ANK2: variants seen among roughly 807,000 people sequenced by gnomAD.
The protein encoded by ANK2 is ankyrin-2.
In ANK2, 83 loss-of-function variants were observed where a neutral mutation model predicts 360.5. The observed-to-expected ratio is 0.23, with a 90% CI of 0.19 to 0.28. The LOEUF is 0.28. Ranked by LOEUF, ANK2 falls within the 10% of genes least tolerant of loss-of-function variation. ANK2 has a pLI of 1.00. For synonymous variants in ANK2, 1,740 were observed against 1,759.5 expected, an observed-to-expected ratio of 0.99 and a Z score of 0.28; for missense variants, 4,201 against 4,795.7, an observed-to-expected ratio of 0.88 and a Z score of 3.66.
At chr4:112,728,306 AAAAAAAAAAAAAAAG>A in the ANK2 span, among the ~76,000 whole-genome samples, 1 of 150,216 alleles carries the variant, frequency 6.7e-6, no homozygotes, top group Non-Finnish European at 1.5e-5. Flanking sequence ...AAAAAAAAAA[AAAAAAAAAAAAAAAG>A]AAAAGAAATA....
chr4:113,102,526 C>G (rs1464487304), intron 1 of ANK2, among the ~76,000 whole-genome samples: 2 of 151,958 alleles, frequency 1.3e-5, no homozygotes, highest in African/African-American at 4.8e-5. Flanking sequence ...GAGGAAGCCC[C>G]AGGACAGTTC....
At chr4:113,136,849 C>T (rs556574932) in intron 1 of ANK2, among the ~76,000 whole-genome samples, 84 of 151,918 alleles carry the variant, frequency 5.5e-4, no homozygotes, top group African/African-American at 1.8e-3. Flanking sequence ...CTCCGCCTCC[C>T]GGGTTCAAGT....
Position 112,858,809 on chromosome 4 carries a change from C to T in ANK2, c.-40+40545C>T, listed in dbSNP as rs1298858152. 5.3e-5 allele frequency among the ~76,000 whole-genome samples: 8 copies of T among 152,166 alleles called. No homozygotes were observed. In the East Asian group the frequency reaches 1.4e-3, roughly 26 times the overall value. On this transcript the variant is annotated intron_variant, in intron 1 of 30. Coordinates refer to the ANK2 transcript ENST00000503271. ...CCTTTTTTCTTTTTTCCCCTTTTGC[C>T]CAGGCTATTTGACCATTCAACAACT...
intron 2 of ANK2, among the ~76,000 whole-genome samples, chr4:112,930,581 T>A (rs1413242573): frequency 2.0e-5 from 3 of 148,056 alleles, no homozygotes; most frequent in Non-Finnish European, 4.5e-5. Context: ...AAAAAAAAAA[T>A]GTAGGAGTAA....
At chr4:112,906,724 T>C (rs1369273767) in intron 2 of ANK2, among the ~76,000 whole-genome samples, 1 of 152,058 alleles carries the variant, frequency 6.6e-6, no homozygotes, top group Non-Finnish European at 1.5e-5. Flanking sequence ...GTGAAGAAGA[T>C]GTGGCCAGAG....
At chr4:113,149,099 T>C (rs2154394200) in intron 1 of ANK2, 1 of 152,354 alleles carries the variant, frequency 6.6e-6, no homozygotes, top group East Asian at 1.9e-4. Flanking sequence ...GGATGAGTTG[T>C]GAATGCAGCA....
At chr4:113,211,685 CA>C (rs1255103711) in intron 4 of ANK2, among the ~76,000 whole-genome samples, 1 of 152,130 alleles carries the variant, frequency 6.6e-6, no homozygotes, top group Non-Finnish European at 1.5e-5. Context: ...CTATTAGAGA[CA>C]TTGTGTCCAT....
intron 3 of ANK2, 116 bp downstream of exon 3, chr4:113,196,582 C>T: frequency 1.1e-6 from 1 of 941,754 alleles, no homozygotes. Flanking sequence ...GGAAGTAGTG[C>T]AGTGGTACAA....
intron 2 of ANK2, among the ~76,000 whole-genome samples, chr4:112,914,922 G>A (rs1581089431): frequency 6.6e-6 from 1 of 152,262 alleles, no homozygotes; most frequent in East Asian, 1.9e-4. Context: ...TTTGAAGATG[G>A]GAATTCTATT....
At chr4:113,100,408 A>G (rs2092630958) in intron 1 of ANK2, among the ~76,000 whole-genome samples, 1 of 152,164 alleles carries the variant, frequency 6.6e-6, no homozygotes, top group South Asian at 2.1e-4. Flanking sequence ...GAAATCACAA[A>G]TTAAAACAAG....
At chr4:113,165,866 A>G (rs1420029993) in intron 1 of ANK2, among the ~76,000 whole-genome samples, 30 of 152,146 alleles carry the variant, frequency 2.0e-4, no homozygotes. Context: ...ATGGACCTCA[A>G]ACTGTTATTT....
rs115762172 is a variant in ANK2 at position 112,978,304 on chromosome 4, T to G, written c.21+73790T>G. Among the ~76,000 whole-genome samples, 1,350 of 152,298 alleles carry G rather than the reference T, an allele frequency of 8.9e-3. 23 individuals are homozygous for G. The highest frequency in any genetic ancestry group is 0.031 in the African/African-American group (1,292 of 41,564). ...ATCTAAAAATTTCTCTTCCTAGGAA[T>G]TCTCAATATAATTTTGTTCCACTTT... On this transcript the variant is annotated intron_variant, in intron 2 of 30. Transcript: ENST00000503271.
intron 1 of ANK2, among the ~76,000 whole-genome samples, chr4:113,076,994 A>T (rs1027063476): frequency 2.0e-5 from 3 of 151,564 alleles, no homozygotes; most frequent in African/African-American, 4.9e-5. Context: ...AAGAAAGGAA[A>T]AAGAAGGAAG....
At position 113,355,365 on chromosome 4, in the gene ANK2, C is replaced by A. The variant is rs2095685965; in HGVS notation, c.6747C>A (p.Phe2249Leu). Residue 2249 changes from phenylalanine (F) to leucine (L), a missense_variant, in exon 38 of 46, where the codon TTC becomes TTA. This residue lies in a region of ANK2 where 2,642 missense variants were observed against 2,714.5 expected (regional missense o/e 0.97). Coordinates refer to ENST00000357077, the MANE Select transcript of ANK2 (RefSeq NM_001148.6). ...AGACGAGCCCAGAAAGCCTTTCTTT[C>A]TCACCAAAGAAAAGTGAGGAGCAAA... ...TPETSPESLS[F>L]SPKKSEEQTG... 3 of 1,613,864 alleles carry A rather than the reference C, an allele frequency of 1.9e-6. No homozygotes were observed. The African/African-American group carries it at 4.0e-5, about 22-fold the overall frequency.
At chr4:112,810,539 C>T in the ANK2 span, among the ~76,000 whole-genome samples, 1 of 151,772 alleles carries the variant, frequency 6.6e-6, no homozygotes, top group East Asian at 1.9e-4. Flanking sequence ...GTTCTGTTTC[C>T]TTCTTGCTTA....
intron 2 of ANK2, among the ~76,000 whole-genome samples, chr4:112,924,107 C>T (rs1421942624): frequency 1.3e-5 from 2 of 152,134 alleles, no homozygotes; most frequent in African/African-American, 4.8e-5. Context: ...CAGTGGCTCA[C>T]GCCTGTAATC....
At chr4:112,747,951 T>C in the ANK2 span, among the ~76,000 whole-genome samples, 6 of 152,344 alleles carry the variant, frequency 3.9e-5, no homozygotes, top group East Asian at 1.2e-3. Context: ...TCATCAGATG[T>C]ATATTTACTA....
chr4:112,939,439 A>G (rs1561192824), intron 2 of ANK2, among the ~76,000 whole-genome samples: 1 of 151,214 alleles, frequency 6.6e-6, no homozygotes, highest in Non-Finnish European at 1.5e-5. Context: ...CCTCCCAAGT[A>G]GCTGGGATTA....
intron 1 of ANK2, among the ~76,000 whole-genome samples, chr4:113,173,713 A>G (rs776305484): frequency 2.0e-5 from 3 of 152,178 alleles, no homozygotes; most frequent in Non-Finnish European, 4.4e-5. Flanking sequence ...AAACTTAAAA[A>G]GCAGTTTCCA....
Sources: gnomAD v4.1 joint callset for allele counts (sites outside exome capture counted in the v4.1 genomes callset) on GRCh38, gnomAD v4.1.1 for gene constraint, gnomAD v4.1.1 regional missense constraint, MANE v1.5 for transcripts, NCBI Gene and HGNC (gene_info 2026-07-23, HGNC 2026-07-21) for gene names.